CASP5: variants seen among roughly 807,000 people sequenced by gnomAD.
CASP5 encodes the protein caspase 5, also known as caspase-5.
In CASP5, 42 loss-of-function variants were observed where a neutral mutation model predicts 45.2. The observed-to-expected ratio is 0.93, with a 90% confidence interval of 0.73 to 1.20. The LOEUF (loss-of-function observed/expected upper bound fraction) is 1.20. Ranked by LOEUF, CASP5 falls within the 50% of genes most tolerant of loss-of-function variation. CASP5 has a pLI of 0.00. For synonymous variants in CASP5, 209 were observed against 186.2 expected (o/e 1.12, Z -1.00); for missense variants, 512 against 532.2 (o/e 0.96, Z 0.37).
rs759713036 is a variant in CASP5 at position 105,000,304 on chromosome 11, T to C, written c.909A>G (p.Leu303=). 7.4e-5 allele frequency: 119 copies of C among 1,614,116 alleles called. No homozygotes were observed. Among genetic ancestry groups the C allele is most frequent in the Middle Eastern group, 1.6e-4 (1 of 6,084 alleles). ...CAATGATGACCTTGGGTTTGTCCTTTAGACTGAGGCAGTTGCGGTTGTTGA... is the reference window on the plus strand; with the variant it reads ...CAATGATGACCTTGGGTTTGTCCTTCAGACTGAGGCAGTTGCGGTTGTTGA... The part of the protein sequence containing the change: ...QIFNNRNCLS[L]KDKPKVIIVQ... The change falls in exon 6 of 10, where the codon CTA becomes CTG. Residue 303 remains leucine (L), a synonymous_variant. Transcript: ENST00000260315.
intron 2 of CASP5, among the ~76,000 whole-genome samples, chr11:105,007,983 A>G (rs1247208122): frequency 6.6e-6 from 1 of 152,112 alleles, no homozygotes; most frequent in Non-Finnish European, 1.5e-5. Context: ...TAATATCATA[A>G]CTACTCTAGC....
Position 104,994,272 on chromosome 11 carries a change from A to G in CASP5, c.*80T>C, listed in dbSNP as rs1326915255. ...GTCTTTACTTTTATTGAAATACCAA[A>G]TATTGACTATGCAAGCTATACTGGT... On this transcript the variant is annotated 3_prime_UTR_variant, in exon 10 of 10. Coordinates refer to ENST00000260315, the MANE Select transcript of CASP5 (RefSeq NM_004347.5). The G allele has an allele frequency of 6.6e-6, 1 of 152,212 alleles. No homozygotes were observed. Among genetic ancestry groups the G allele is most frequent in the African/African-American group, 2.4e-5 (1 of 41,446 alleles). The allele number at this position is 152,212 out of a possible 1,614,324, so 9.4% of individuals were successfully genotyped here.
chr11:105,021,764 G>T (rs1017254653), intron 1 of CASP5, among the ~76,000 whole-genome samples: 8 of 150,024 alleles, frequency 5.3e-5, no homozygotes, highest in Middle Eastern at 3.4e-3. Context: ...ATTCCACAGG[G>T]ATCTAGAACT....
intron 5 of CASP5, 148 bp downstream of exon 5, chr11:105,001,880 T>G (rs1212032367): frequency 1.5e-5 from 9 of 617,950 alleles, no homozygotes. Context: ...TTTCATTTGC[T>G]AGTGCATGTG....
At chr11:105,020,775 C>T (rs1052170696) in intron 1 of CASP5, among the ~76,000 whole-genome samples, 2 of 152,140 alleles carry the variant, frequency 1.3e-5, no homozygotes. Flanking sequence ...ATCAAGCTAC[C>T]AATGACTTTC....
rs764893278 is a variant in CASP5, at chr11:105,002,196, A to G, written c.549T>C (p.Tyr183=). 3.7e-6 allele frequency: 6 copies of G among 1,613,886 alleles called. No homozygotes were observed. The highest frequency in any genetic ancestry group is 1.1e-5 in the South Asian group (1 of 91,050). ...RLCKKNHDEI[Y]PIKKREDRRR... ...TGCGGTCCTCTCTCTTTTTTATTGG[A>G]TAGATCTGCAGGAGATGGAGATGAA... The change falls in exon 5 of 10, where the codon TAT becomes TAC. Residue 183 remains tyrosine, a synonymous_variant. Transcript: ENST00000260315.
At chr11:104,998,651 T>C (rs1207469382) in intron 7 of CASP5, among the ~76,000 whole-genome samples, 3 of 152,214 alleles carry the variant, frequency 2.0e-5, no homozygotes, top group Non-Finnish European at 4.4e-5. Flanking sequence ...ATATTTGGTA[T>C]GCCTTTGACT....
chr11:105,007,436 A>T (rs1591164623), intron 2 of CASP5, 102 bp from the exon 3 acceptor site: 1 of 1,130,664 alleles, frequency 8.8e-7, no homozygotes, highest in East Asian at 2.4e-5. Context: ...CTAAAAATAC[A>T]TTCTATTTTA....
chr11:105,003,266 C>T lies in CASP5; in HGVS notation c.543+8G>A, dbSNP rs201244370. 2 of 1,473,286 alleles carry T rather than the reference C, an allele frequency of 1.4e-6. No homozygotes were observed. Among genetic ancestry groups the T allele is most frequent in the Non-Finnish European group, 1.9e-6 (2 of 1,055,418 alleles). The allele number at this position is 1,473,286 out of a possible 1,614,324, so 91.3% of individuals were successfully genotyped here. A position where few individuals can be genotyped will look rare whatever the true frequency, so the allele number is the denominator to read the frequency against. ...CTTCTTCCCCATTTCATACAGAGAG[C>T]ACAGCACCTCATCATGATTTTTTTT... is the stretch of plus-strand genomic sequence containing the variant. On this transcript the variant is annotated splice_region_variant and intron_variant, in intron 4 of 9. Coordinates refer to ENST00000260315, the MANE Select transcript of CASP5 (RefSeq NM_004347.5).
chr11:105,019,325 T>C (rs998442303), intron 1 of CASP5, among the ~76,000 whole-genome samples: 6 of 149,126 alleles, frequency 4.0e-5, no homozygotes, highest in African/African-American at 1.5e-4. Flanking sequence ...CTGAAGGAAA[T>C]AGAGACACAA....
intron 3 of CASP5, among the ~76,000 whole-genome samples, chr11:105,005,476 C>T (rs1861958793): frequency 6.6e-6 from 1 of 151,910 alleles, no homozygotes; most frequent in South Asian, 2.1e-4. Context: ...TGGAAACCCT[C>T]ATAATTATAA....
At position 105,008,950 on chromosome 11, in the gene CASP5, T is replaced by C. The variant is rs765191086; in HGVS notation, c.38A>G (p.Asn13Ser). The change falls in exon 2 of 10, where the codon AAT becomes AGT. Residue 13 changes from asparagine to serine, a missense_variant. Transcript: ENST00000260315. ...GATACCTTTGAACATAGCTTCAAAATTCTTACGCCTTTTTTTTTTGCCACT... is the reference window on the plus strand; with the variant it reads ...GATACCTTTGAACATAGCTTCAAAACTCTTACGCCTTTTTTTTTTGCCACT... ...EDSGKKKRRKNFEAMFKGILQ... is the reference protein window; with the variant it reads ...EDSGKKKRRKSFEAMFKGILQ... 1 of 1,611,680 alleles carries C rather than the reference T, an allele frequency of 6.2e-7. No individual in the cohort carries two copies. Among genetic ancestry groups the C allele is most frequent in the Non-Finnish European group, 8.5e-7 (1 of 1,178,960 alleles).
chr11:105,003,346 T>C lies in CASP5; in HGVS notation c.471A>G (p.Ala157=), dbSNP rs145780625. The part of the protein sequence containing the change: ...LQIEAGPPES[A]ESTNILKLCP... ...AAAGTTTGAGTATATTTGTAGATTC[T>C]GCTGACTCAGGTGGTCCAGCCTCGA... Residue 157 remains alanine, a synonymous_variant, in exon 4 of 10, where the codon GCA becomes GCG. Transcript: ENST00000260315. 1.2e-4 allele frequency: 187 copies of C among 1,604,854 alleles called. No homozygotes were observed. The African/African-American group carries it at 2.2e-3, about 19-fold the overall frequency.
chr11:104,999,225 C>A (rs1304259313), intron 6 of CASP5, among the ~76,000 whole-genome samples, 197 bp from the exon 7 acceptor site: 2 of 152,082 alleles, frequency 1.3e-5, no homozygotes, highest in Admixed American at 6.5e-5. Flanking sequence ...CCCCGACTGG[C>A]CCCGGTGTGT....
intron 1 of CASP5, among the ~76,000 whole-genome samples, chr11:105,018,146 C>A (rs2134758747): frequency 6.6e-6 from 1 of 151,608 alleles, no homozygotes; most frequent in East Asian, 1.9e-4. Context: ...TAAAAGAGCT[C>A]CTGAAGGAAG....
At chr11:105,010,931 G>T (rs376520677) in intron 1 of CASP5, among the ~76,000 whole-genome samples, 43 of 151,844 alleles carry the variant, frequency 2.8e-4, no homozygotes, top group African/African-American at 9.4e-4. Context: ...AGCAGGAATA[G>T]AAGTACAAGT....
At chr11:105,021,652 A>C (rs1862969597) in intron 1 of CASP5, among the ~76,000 whole-genome samples, 1 of 146,702 alleles carries the variant, frequency 6.8e-6, no homozygotes, top group Non-Finnish European at 1.5e-5. Flanking sequence ...TTAAAAAGTC[A>C]GGAAACAACA....
At chr11:104,996,589 A>AGAAG (rs1224642318) in intron 8 of CASP5, among the ~76,000 whole-genome samples, 1 of 152,196 alleles carries the variant, frequency 6.6e-6, no homozygotes. Context: ...CCTTAAAAAG[A>AGAAG]GAAGGAACAT....
chr11:105,016,292 T>C (rs531001402), intron 1 of CASP5, among the ~76,000 whole-genome samples: 1 of 152,110 alleles, frequency 6.6e-6, no homozygotes, highest in African/African-American at 2.4e-5. Flanking sequence ...TAAATATGAC[T>C]GCAGGGGGAG....
Sources: gnomAD v4.1 joint callset for allele counts (sites outside exome capture counted in the v4.1 genomes callset) on GRCh38, gnomAD v4.1.1 for gene constraint, MANE v1.5 for transcripts, NCBI Gene and HGNC (gene_info 2026-07-23, HGNC 2026-07-21) for gene names.